CDH13: variants seen among roughly 807,000 people sequenced by gnomAD.
The protein encoded by CDH13 is cadherin-13.
Under a neutral mutation model 63.8 loss-of-function variants are expected in CDH13, and 24 were observed. That is an observed-to-expected ratio of 0.38 (90% CI 0.27 to 0.53). CDH13 has a LOEUF of 0.53. CDH13 is among the 20% of genes least tolerant of loss of function. The pLI is 0.85. For synonymous variants in CDH13, 503 were observed against 355.3 expected, an observed-to-expected ratio of 1.42 and a Z score of -4.67; for missense variants, 1,049 against 903.1, an observed-to-expected ratio of 1.16 and a Z score of -2.07.
chr16:83,295,168 A>G (rs767820389), intron 5 of CDH13, among the ~76,000 whole-genome samples: 11 of 152,300 alleles, frequency 7.2e-5, no homozygotes, highest in South Asian at 2.1e-4. Flanking sequence ...GGGAAACCGC[A>G]TATCCATATG....
At chr16:83,379,414 G>A (rs1183816491) in intron 6 of CDH13, among the ~76,000 whole-genome samples, 3 of 152,150 alleles carry the variant, frequency 2.0e-5, no homozygotes, top group Admixed American at 2.0e-4. Context: ...TGAGTGGATG[G>A]ATGGATGGTA....
At chr16:83,310,302 A>G (rs747143366) in intron 5 of CDH13, among the ~76,000 whole-genome samples, 2 of 152,218 alleles carry the variant, frequency 1.3e-5, no homozygotes, top group African/African-American at 4.8e-5. Flanking sequence ...ATACGGAGTA[A>G]TTGCATTTTT....
chr16:82,902,027 G>A (rs2041488702), intron 2 of CDH13, among the ~76,000 whole-genome samples: 1 of 152,170 alleles, frequency 6.6e-6, no homozygotes, highest in Non-Finnish European at 1.5e-5. Context: ...GCTATTACGT[G>A]GCAGAGTCAA....
chr16:82,837,920 C>A (rs899910503), intron 1 of CDH13, among the ~76,000 whole-genome samples: 1 of 152,244 alleles, frequency 6.6e-6, no homozygotes, highest in African/African-American at 2.4e-5. Flanking sequence ...AAGGGCCAGC[C>A]TTTCAGGCAG....
intron 2 of CDH13, among the ~76,000 whole-genome samples, chr16:82,917,914 CA>C (rs34766700): frequency 6.7e-4 from 31 of 45,958 alleles, no homozygotes; most frequent in Middle Eastern, 0.013. Context: ...GACTCCATGT[CA>C]AAAAAAAAAA....
At chr16:82,929,087 G>C (rs1402357251) in intron 2 of CDH13, among the ~76,000 whole-genome samples, 1 of 152,060 alleles carries the variant, frequency 6.6e-6, no homozygotes, top group Non-Finnish European at 1.5e-5. Flanking sequence ...TAAATGATTA[G>C]ATCACCTTTA....
chr16:83,074,260 G>A (rs1419393417), intron 3 of CDH13, among the ~76,000 whole-genome samples: 2 of 152,112 alleles, frequency 1.3e-5, no homozygotes, highest in Admixed American at 6.5e-5. Flanking sequence ...TCTGTGTCTG[G>A]CATATTTCAT....
chr16:83,616,118 A>G (rs1909261267), intron 8 of CDH13, among the ~76,000 whole-genome samples: 1 of 152,216 alleles, frequency 6.6e-6, no homozygotes, highest in African/African-American at 2.4e-5. Flanking sequence ...TACAGTTCCA[A>G]CTAAGGAAAA....
At chr16:82,652,974 C>T (rs560847413) in intron 1 of CDH13, among the ~76,000 whole-genome samples, 2 of 152,298 alleles carry the variant, frequency 1.3e-5, no homozygotes, top group Admixed American at 1.3e-4. Context: ...TGTGCTGGCT[C>T]TTTGTAGAAG....
chr16:83,506,531 C>G (rs534834607), intron 7 of CDH13, among the ~76,000 whole-genome samples: 1 of 152,196 alleles, frequency 6.6e-6, no homozygotes, highest in African/African-American at 2.4e-5. Context: ...ATTTTCTCTT[C>G]CCTCAAAGAT....
chr16:83,591,792 G>C (rs1223074027), intron 7 of CDH13, among the ~76,000 whole-genome samples: 1 of 152,200 alleles, frequency 6.6e-6, no homozygotes, highest in Non-Finnish European at 1.5e-5. Context: ...CTTCACCCAA[G>C]CCGTGGCTTC....
chr16:82,854,124 G>T (rs990148806), intron 1 of CDH13, among the ~76,000 whole-genome samples: 2 of 152,186 alleles, frequency 1.3e-5, no homozygotes, highest in African/African-American at 4.8e-5. Flanking sequence ...GCAAGGCTGG[G>T]CTTGGTGGCT....
At chr16:83,748,387 T>A (rs1283591223) in intron 11 of CDH13, 137 bp downstream of exon 11, 4 of 733,164 alleles carry the variant, frequency 5.5e-6, no homozygotes, top group Non-Finnish European at 8.8e-6. Context: ...AGTAAATGTT[T>A]AAATATACAC....
chr16:83,112,085 A>C (rs2035084013), intron 3 of CDH13, among the ~76,000 whole-genome samples: 1 of 152,268 alleles, frequency 6.6e-6, no homozygotes, highest in Admixed American at 6.5e-5. Flanking sequence ...CAGTAATTTT[A>C]GAACTCTCTG....
In CDH13 at chr16:82,691,278, C is replaced by A. The variant is rs114051566; in HGVS notation, c.45+64141C>A. 9.6e-3 allele frequency among the ~76,000 whole-genome samples: 1,468 copies of A among 152,316 alleles called. 21 individuals are homozygous for A. The highest frequency in any genetic ancestry group is 0.033 in the African/African-American group (1,378 of 41,568). On this transcript the variant is annotated intron_variant, in intron 1 of 13. Transcript: ENST00000567109. ...CAGAGGCCACCTGCAGTCAGTCTCC[C>A]TATATGCCAATGGCTGCCAGCATCT... is the stretch of plus-strand genomic sequence containing the variant.
chr16:83,505,221 G>A (rs2074367927), intron 7 of CDH13, among the ~76,000 whole-genome samples: 2 of 152,158 alleles, frequency 1.3e-5, no homozygotes, highest in Non-Finnish European at 2.9e-5. Context: ...ATTGTACCCA[G>A]AAGAAACAAG....
chr16:82,971,749 A>C (rs948574847), intron 2 of CDH13, among the ~76,000 whole-genome samples: 4 of 152,224 alleles, frequency 2.6e-5, no homozygotes, highest in Non-Finnish European at 4.4e-5. Context: ...AAATGTAAAA[A>C]AACACAAACA....
At chr16:82,809,779 C>T (rs1370497696) in intron 1 of CDH13, among the ~76,000 whole-genome samples, 3 of 152,028 alleles carry the variant, frequency 2.0e-5, no homozygotes, top group Admixed American at 6.6e-5. Flanking sequence ...TTTTCTGAGC[C>T]GTTTCGCTAA....
At chr16:83,091,525 C>G (rs1021062022) in intron 3 of CDH13, among the ~76,000 whole-genome samples, 2 of 152,152 alleles carry the variant, frequency 1.3e-5, no homozygotes, top group African/African-American at 4.8e-5. Context: ...GCCTTCATTC[C>G]TTGGGGAGGG....
Sources: allele counts gnomAD v4.1 joint callset (sites outside exome capture counted in the v4.1 genomes callset), GRCh38; gene constraint gnomAD v4.1.1; transcripts MANE v1.5; gene names NCBI Gene and HGNC (gene_info 2026-07-23, HGNC 2026-07-21).